PDE4B: variants seen among roughly 807,000 people sequenced by gnomAD.
PDE4B encodes 3',5'-cyclic-AMP phosphodiesterase 4B.
In PDE4B, 20 loss-of-function variants were observed where a neutral mutation model predicts 82.2. The ratio of observed to expected loss-of-function variants is 0.24; its 90% confidence interval spans 0.17 to 0.35. The LOEUF is 0.35. Ranked by LOEUF, PDE4B falls within the 10% of genes least tolerant of loss-of-function variation. PDE4B has a pLI of 1.00. For synonymous variants in PDE4B, 320 were observed against 318.9 expected, an observed-to-expected ratio of 1.00 and a Z score of -0.04; for missense variants, 655 against 907.2, an observed-to-expected ratio of 0.72 and a Z score of 3.57.
At chr1:65,950,345 A>C (rs759929952) in intron 3 of PDE4B, among the ~76,000 whole-genome samples, 1 of 152,062 alleles carries the variant, frequency 6.6e-6, no homozygotes, top group Non-Finnish European at 1.5e-5. Flanking sequence ...CACCAGCAAT[A>C]GGGTTCTCAT....
chr1:65,957,241 A>G (rs2100586885), intron 3 of PDE4B, among the ~76,000 whole-genome samples: 1 of 151,914 alleles, frequency 6.6e-6, no homozygotes, highest in Admixed American at 6.6e-5. Flanking sequence ...TATATGGTCA[A>G]TGCTTTGTGC....
chr1:66,364,819 T>A (rs1663110431), intron 12 of PDE4B, among the ~76,000 whole-genome samples: 1 of 152,294 alleles, frequency 6.6e-6, no homozygotes, highest in East Asian at 1.9e-4. Context: ...TTGACAATGA[T>A]GAGTGCTGCA....
chr1:66,206,068 G>A (rs1232753725), intron 3 of PDE4B, among the ~76,000 whole-genome samples: 3 of 152,202 alleles, frequency 2.0e-5, no homozygotes, highest in African/African-American at 7.2e-5. Context: ...TCATGGAGTG[G>A]CGATGGAAGT....
intron 3 of PDE4B, among the ~76,000 whole-genome samples, chr1:66,239,491 A>G (rs1012194798): frequency 6.6e-6 from 1 of 152,230 alleles, no homozygotes; most frequent in Non-Finnish European, 1.5e-5. Context: ...GAGTCTGTGA[A>G]ATTTCAGCCA....
At chr1:66,081,922 G>A (rs1040000287) in intron 3 of PDE4B, among the ~76,000 whole-genome samples, 4 of 150,818 alleles carry the variant, frequency 2.7e-5, no homozygotes, top group African/African-American at 4.9e-5. Context: ...AAAATAGCAT[G>A]TACTCATTTC....
chr1:65,874,637 C>T (rs1418618066), intron 1 of PDE4B, among the ~76,000 whole-genome samples: 10 of 152,040 alleles, frequency 6.6e-5, no homozygotes, highest in South Asian at 4.2e-4. Flanking sequence ...TCAGAAATAA[C>T]GCCGCATACC....
intron 3 of PDE4B, among the ~76,000 whole-genome samples, chr1:65,993,546 CT>C (rs954022970): frequency 3.9e-5 from 6 of 152,004 alleles, no homozygotes; most frequent in Admixed American, 3.3e-4. Context: ...GTGTTTTAAT[CT>C]TAGTTCTAAC....
intron 3 of PDE4B, among the ~76,000 whole-genome samples, chr1:66,193,747 G>T (rs1648024918): frequency 6.6e-6 from 1 of 151,996 alleles, no homozygotes. Context: ...ATAAATTAAG[G>T]TTATTACCTA....
chr1:65,867,081 G>T (rs1357987456), intron 1 of PDE4B, among the ~76,000 whole-genome samples: 1 of 152,064 alleles, frequency 6.6e-6, no homozygotes, highest in African/African-American at 2.4e-5. Context: ...GGTATAGATG[G>T]AATAAGACTG....
chr1:66,178,865 T>C (rs1646993985), intron 3 of PDE4B, among the ~76,000 whole-genome samples: 1 of 152,220 alleles, frequency 6.6e-6, no homozygotes, highest in South Asian at 2.1e-4. Context: ...TTTTTCTTTT[T>C]TTTGAGACGG....
At chr1:66,029,255 C>T (rs1653626699) in intron 3 of PDE4B, among the ~76,000 whole-genome samples, 1 of 152,160 alleles carries the variant, frequency 6.6e-6, no homozygotes. Context: ...GACATATTCA[C>T]TATCACGAGG....
At chr1:66,162,637 AC>A (rs139210425) in intron 3 of PDE4B, among the ~76,000 whole-genome samples, 2,495 of 152,136 alleles carry the variant, frequency 0.016, 61 homozygotes, top group African/African-American at 0.057. Flanking sequence ...GCATATACTT[AC>A]TTGTTGAGCA....
chr1:66,162,390 A>C (rs756338366), intron 3 of PDE4B, among the ~76,000 whole-genome samples: 3 of 130,102 alleles, frequency 2.3e-5, no homozygotes, highest in Non-Finnish European at 4.6e-5. Context: ...CAGCGAAGGG[A>C]AAGAGTCAAT....
chr1:66,101,783 G>A (rs1239542441), intron 3 of PDE4B, among the ~76,000 whole-genome samples: 2 of 152,044 alleles, frequency 1.3e-5, no homozygotes, highest in Non-Finnish European at 2.9e-5. Context: ...TCTGTAGGTT[G>A]CCTGTTCACT....
chr1:66,249,019 A>C (rs1653546750), intron 4 of PDE4B, among the ~76,000 whole-genome samples: 1 of 152,204 alleles, frequency 6.6e-6, no homozygotes, highest in Non-Finnish European at 1.5e-5. Context: ...CCATATTAAA[A>C]ACTTTTGGAA....
intron 3 of PDE4B, among the ~76,000 whole-genome samples, chr1:66,064,465 G>A (rs941229434): frequency 3.3e-5 from 5 of 151,942 alleles, no homozygotes; most frequent in African/African-American, 1.2e-4. Flanking sequence ...GGAAAAAAAG[G>A]AGGCAGTCCA....
At chr1:66,347,391 G>C (rs1020152364) in intron 8 of PDE4B, among the ~76,000 whole-genome samples, 1 of 152,124 alleles carries the variant, frequency 6.6e-6, no homozygotes, top group Non-Finnish European at 1.5e-5. Context: ...TATAGTTTTA[G>C]TTAATAGTTT....
intron 3 of PDE4B, among the ~76,000 whole-genome samples, chr1:66,031,135 A>G (rs1327041247): frequency 6.6e-6 from 1 of 152,238 alleles, no homozygotes; most frequent in African/African-American, 2.4e-5. Context: ...TAATAAAAAT[A>G]AAATAAATTG....
chr1:66,158,224 C>T (rs1646539185), intron 3 of PDE4B, among the ~76,000 whole-genome samples: 1 of 152,124 alleles, frequency 6.6e-6, no homozygotes, highest in African/African-American at 2.4e-5. Context: ...TTACACCAAA[C>T]TTAAAAGCTA....
Sources: allele counts gnomAD v4.1 joint callset (sites outside exome capture counted in the v4.1 genomes callset), GRCh38; gene constraint gnomAD v4.1.1; transcripts MANE v1.5; gene names NCBI Gene and HGNC (gene_info 2026-07-23, HGNC 2026-07-21).